Variants in TBL1X observed in about 807,000 individuals in gnomAD.
TBL1X encodes transducin beta like 1 X-linked.
Under a neutral mutation model 50.7 loss-of-function variants are expected in TBL1X, and 10 were observed. The observed-to-expected ratio is 0.20, with a 90% CI of 0.12 to 0.33. The LOEUF is 0.33. TBL1X is among the 10% of genes least tolerant of loss of function. The probability of loss-of-function intolerance (pLI) is 1.00; values close to 1 mark genes in which losing one functional copy is unlikely to be tolerated. For missense variants in TBL1X, 340 were observed against 504.4 expected (o/e 0.67, Z 3.12); for synonymous variants, 190 against 214.7 (o/e 0.88, Z 1.01).
intron 2 of TBL1X, among the ~76,000 whole-genome samples, chrX:9,590,373 TA>T (rs199833403): frequency 9.2e-6 from 1 of 109,287 alleles, no homozygotes; most frequent in African/African-American, 3.4e-5. Context: ...TTTTTTTTTT[TA>T]AAAAAGTCAG....
intron 16 of TBL1X, among the ~76,000 whole-genome samples, chrX:9,713,957 G>A (rs1373276233): frequency 1.8e-5 from 2 of 110,538 alleles, no homozygotes; most frequent in Non-Finnish European, 3.8e-5. Flanking sequence ...AGGCTTATTC[G>A]ACTCTTTCTC....
chrX:9,572,120 A>G, intron 2 of TBL1X, among the ~76,000 whole-genome samples: 1 of 111,955 alleles, frequency 8.9e-6, no homozygotes, highest in Non-Finnish European at 1.9e-5. Flanking sequence ...CCCCGCGGAA[A>G]ACTCCACAGC....
chrX:9,589,623 G>T (rs1450931336), intron 2 of TBL1X, among the ~76,000 whole-genome samples: 1 of 111,145 alleles, frequency 9.0e-6, no homozygotes, highest in Admixed American at 9.5e-5. Context: ...TTTCATCCAT[G>T]ATTGAATTCA....
At chrX:9,478,294 C>T (rs1306281209) in intron 1 of TBL1X, among the ~76,000 whole-genome samples, 1 of 111,216 alleles carries the variant, frequency 9.0e-6, no homozygotes, top group Non-Finnish European at 1.9e-5. Context: ...CCCCCTTATG[C>T]TTCCCCTGTC....
intron 2 of TBL1X, among the ~76,000 whole-genome samples, chrX:9,575,488 G>A (rs915110397): frequency 2.7e-5 from 3 of 111,669 alleles, no homozygotes; most frequent in South Asian, 7.5e-4. Flanking sequence ...TCATTTCACT[G>A]AGCATTGTGT....
intron 1 of TBL1X, among the ~76,000 whole-genome samples, chrX:9,497,954 A>G (rs2081981325): frequency 1.0e-5 from 1 of 97,604 alleles, no homozygotes; most frequent in African/African-American, 3.9e-5. Flanking sequence ...CTGGTCTGGA[A>G]CTCCTGGGCT....
At chrX:9,612,735 G>A (rs954051294) in intron 2 of TBL1X, among the ~76,000 whole-genome samples, 7 of 111,044 alleles carry the variant, frequency 6.3e-5, no homozygotes, top group Non-Finnish European at 1.1e-4. Flanking sequence ...AGTCATGGGA[G>A]ATGGATACCC....
intron 2 of TBL1X, among the ~76,000 whole-genome samples, chrX:9,566,444 A>G (rs963477377): frequency 8.9e-6 from 1 of 111,785 alleles, no homozygotes; most frequent in Non-Finnish European, 1.9e-5. Flanking sequence ...TGAACCCTGG[A>G]GCAAATGAAG....
At chrX:9,516,386 A>G (rs754663736) in intron 2 of TBL1X, among the ~76,000 whole-genome samples, 21 of 111,987 alleles carry the variant, frequency 1.9e-4, no homozygotes, top group South Asian at 1.1e-3. Context: ...CCAGCCCTTT[A>G]GAAGAGGGGA....
chrX:9,701,640 A>C (rs1428431278), intron 12 of TBL1X, among the ~76,000 whole-genome samples: 1 of 108,598 alleles, frequency 9.2e-6, no homozygotes, highest in Non-Finnish European at 1.9e-5. Flanking sequence ...GAGAGAGTTT[A>C]CAGATTTGTG....
At chrX:9,656,505 G>A (rs1169638260) in intron 5 of TBL1X, among the ~76,000 whole-genome samples, 5 of 112,630 alleles carry the variant, frequency 4.4e-5, no homozygotes, top group Non-Finnish European at 9.4e-5. Context: ...CCCCAGAAAG[G>A]TCGGCTTCCT....
intron 2 of TBL1X, among the ~76,000 whole-genome samples, chrX:9,575,696 C>T (rs2082407930): frequency 8.9e-6 from 1 of 112,119 alleles, no homozygotes; most frequent in Admixed American, 9.4e-5. Context: ...AAGCCACTTA[C>T]TACACGATTG....
At chrX:9,467,937 G>C (rs1359650654) in intron 1 of TBL1X, among the ~76,000 whole-genome samples, 1 of 112,561 alleles carries the variant, frequency 8.9e-6, no homozygotes, top group African/African-American at 3.2e-5. Flanking sequence ...GCTGCTGCCT[G>C]CCTGGCCAGC....
chrX:9,597,344 A>G (rs896681100), intron 2 of TBL1X, among the ~76,000 whole-genome samples: 83 of 111,655 alleles, frequency 7.4e-4, no homozygotes, highest in Non-Finnish European at 1.0e-3. Flanking sequence ...CATGCTGTTC[A>G]CTGCTTTATT....
chrX:9,574,559 T>C (rs1414518618), intron 2 of TBL1X, among the ~76,000 whole-genome samples: 1 of 110,481 alleles, frequency 9.1e-6, no homozygotes, highest in Non-Finnish European at 1.9e-5. Flanking sequence ...GGGGAGACTT[T>C]TTATGCCCCC....
chrX:9,716,198 G>C, intron 17 of TBL1X, 22 bp from the exon 18 acceptor site: 1 of 1,209,756 alleles, frequency 8.3e-7, no homozygotes, highest in Non-Finnish European at 1.1e-6. Flanking sequence ...CAAGATGACA[G>C]GTGCTTTATC....
At chrX:9,671,228 G>A (rs187294228) in intron 5 of TBL1X, among the ~76,000 whole-genome samples, 22 of 112,597 alleles carry the variant, frequency 2.0e-4, no homozygotes, top group Admixed American at 7.5e-4. Context: ...CATAAGGCAC[G>A]AAGTCCAGGT....
chrX:9,525,957 G>A (rs1370992907), intron 2 of TBL1X, among the ~76,000 whole-genome samples: 2 of 111,191 alleles, frequency 1.8e-5, no homozygotes, highest in Non-Finnish European at 3.8e-5. Flanking sequence ...AGCATCTAGC[G>A]CTATTCTTGT....
At chrX:9,668,949 A>G (rs1341483517) in intron 5 of TBL1X, among the ~76,000 whole-genome samples, 3 of 111,936 alleles carry the variant, frequency 2.7e-5, no homozygotes, top group Non-Finnish European at 3.8e-5. Flanking sequence ...ACTTTATACA[A>G]ATAATCAGTC....
Sources: gnomAD v4.1 joint callset for allele counts (sites outside exome capture counted in the v4.1 genomes callset) on GRCh38, gnomAD v4.1.1 for gene constraint, MANE v1.5 for transcripts, NCBI Gene and HGNC (gene_info 2026-07-23, HGNC 2026-07-21) for gene names.